The following ABCA3 variants were observed in gnomAD, a reference collection of about 807,000 sequenced individuals.
The protein encoded by ABCA3 is phospholipid-transporting ATPase ABCA3.
ABCA3 carries 88 observed loss-of-function variants against 172.8 expected under a neutral mutation model. That is an observed-to-expected ratio of 0.51 (90% CI 0.43 to 0.61). The LOEUF is 0.61. Among genes scored for constraint, ABCA3 ranks in the 20% least tolerant of loss-of-function variants. ABCA3 has a pLI of 0.00. For missense variants in ABCA3, 2,164 were observed against 2,301.0 expected (o/e 0.94, Z 1.22); for synonymous variants, 1,066 against 983.8 (o/e 1.08, Z -1.56).
chr16:2,339,928 C>T (rs2093757824), intron 1 of ABCA3, among the ~76,000 whole-genome samples: 1 of 152,274 alleles, frequency 6.6e-6, no homozygotes, highest in Non-Finnish European at 1.5e-5. Flanking sequence ...GCGCCGAGAA[C>T]GCGGCCTCCG....
intron 11 of ABCA3, among the ~76,000 whole-genome samples, chr16:2,307,856 C>G (rs2093700295): frequency 6.6e-6 from 1 of 152,156 alleles, no homozygotes. Flanking sequence ...CCACCGGCCT[C>G]AGCCTCCCAA....
intron 18 of ABCA3, among the ~76,000 whole-genome samples, chr16:2,293,467 GC>G (rs2093675207): frequency 6.6e-6 from 1 of 150,560 alleles, no homozygotes; most frequent in Non-Finnish European, 1.5e-5. Flanking sequence ...GACCTCCCGG[GC>G]TCAAGCAATC....
At chr16:2,322,421 C>T (rs1157531672) in intron 7 of ABCA3, among the ~76,000 whole-genome samples, 2 of 151,128 alleles carry the variant, frequency 1.3e-5, no homozygotes, top group Non-Finnish European at 2.9e-5. Flanking sequence ...GGTACGTGTG[C>T]ACAATGTGCA....
chr16:2,304,005 C>A lies in ABCA3; in HGVS notation c.1431G>T (p.Gln477His). The A allele has an allele frequency of 1.9e-6, 3 of 1,614,210 alleles. No individual in the cohort carries two copies. Among genetic ancestry groups the A allele is most frequent in the Non-Finnish European group, 2.5e-6 (3 of 1,180,036 alleles). Residue 477 changes from glutamine to histidine, a missense_variant, in exon 12 of 33, where the codon CAG (glutamine) becomes CAT (histidine). Gln to His is a conservative substitution (Grantham distance 24). Transcript: ENST00000301732. ...TWYMEAVFPG[Q>H]FGVPQPWYFF... ...AGTACCAGGGCTGAGGCACGCCGAACTGCCCTGGGAAGACGGCCTCCATGT... is the reference window on the plus strand; with the variant it reads ...AGTACCAGGGCTGAGGCACGCCGAAATGCCCTGGGAAGACGGCCTCCATGT...
At chr16:2,329,547 C>T (rs553031529) in intron 2 of ABCA3, 101 bp downstream of exon 2, 1 of 152,416 alleles carries the variant, frequency 6.6e-6, no homozygotes, top group East Asian at 1.9e-4. Flanking sequence ...GATCCCCATG[C>T]TTAATCTTGT....
chr16:2,319,419 A>G (rs1287325375), intron 8 of ABCA3, among the ~76,000 whole-genome samples, 162 bp downstream of exon 8: 8 of 151,390 alleles, frequency 5.3e-5, no homozygotes, highest in Admixed American at 4.6e-4. Flanking sequence ...CGGGAGGCAG[A>G]GCTTGCAGTG....
Position 2,277,907 on chromosome 16 carries a change from G to C in ABCA3, c.4881C>G (p.Phe1627Leu). The change falls in exon 31 of 33, where the codon TTC becomes TTG. Residue 1627 changes from phenylalanine (F) to leucine (L), a missense_variant. Physicochemically the swap from Phe to Leu is conservative, Grantham distance 22 (BLOSUM62 0). Coordinates refer to ENST00000301732, the MANE Select transcript of ABCA3 (RefSeq NM_001089.3). This position sits in a 1 kb window ranked among gnomAD's most constrained non-coding sequence, Gnocchi z 5.3. Reference protein sequence around the residue: ...SEGQQEALEEFKAFVDLTFPG... With the variant: ...SEGQQEALEELKAFVDLTFPG... ...GAAAGGTCAGGTCCACGAAGGCCTT[G>C]AACTCCTCCAGCGCCTCCTGTTGCC... The C allele has an allele frequency of 6.2e-7, 1 of 1,610,326 alleles. No individual in the cohort carries two copies. The highest frequency in any genetic ancestry group is 8.5e-7 in the Non-Finnish European group (1 of 1,179,996).
rs1261178793 is a variant in ABCA3, at chr16:2,276,683, C to G, written c.5106G>C (p.Glu1702Asp). The G allele has an allele frequency of 1.2e-6, 2 of 1,613,462 alleles. No homozygotes were observed. Among genetic ancestry groups the G allele is most frequent in the South Asian group, 1.1e-5 (1 of 91,086 alleles). ...AGACAGCCGCCACCCCTCATCGCCC[C>G]TCCTCTGCGGTGGGCGGCTGCAGGT... The part of the protein sequence containing the change: ...FAHLQPPTAE[E>D]GR The change falls in exon 33 of 33, where the codon GAG (glutamate) becomes GAC (aspartate). Residue 1702 changes from glutamate (E) to aspartate (D), a missense_variant. This residue lies in a region of ABCA3 where 795 missense variants were observed against 881.9 expected (regional missense o/e 0.90). Transcript: ENST00000301732.
intron 10 of ABCA3, among the ~76,000 whole-genome samples, chr16:2,314,339 T>C (rs749495809): frequency 3.3e-5 from 5 of 152,038 alleles, no homozygotes; most frequent in Admixed American, 1.3e-4. Context: ...TTGGGGATGC[T>C]ATGCTCAGTG....
At chr16:2,327,659 G>A (rs2093736533) in intron 3 of ABCA3, among the ~76,000 whole-genome samples, 1 of 152,172 alleles carries the variant, frequency 6.6e-6, no homozygotes, top group African/African-American at 2.4e-5. Context: ...GGCTTTTCCT[G>A]TTGTTATTAC....
chr16:2,295,814 G>A (rs2093678935), intron 17 of ABCA3, 74 bp from the exon 18 acceptor site: 18 of 1,603,234 alleles, frequency 1.1e-5, no homozygotes, highest in African/African-American at 2.7e-5. Flanking sequence ...GGGGTCTCTA[G>A]GGCTCACACC....
chr16:2,328,987 A>C (rs2093738917), intron 2 of ABCA3, among the ~76,000 whole-genome samples: 1 of 148,558 alleles, frequency 6.7e-6, no homozygotes, highest in Non-Finnish European at 1.5e-5. Context: ...TTTTAAATTA[A>C]AACTCTTGCT....
chr16:2,298,338 G>T, intron 15 of ABCA3, 48 bp downstream of exon 15: 1 of 1,611,814 alleles, frequency 6.2e-7, no homozygotes, highest in Non-Finnish European at 8.5e-7. Flanking sequence ...CCAGAAACTC[G>T]AGCACATCAG....
chr16:2,298,101 G>T lies in ABCA3; in HGVS notation c.1897-180C>A, dbSNP rs552262184. On this transcript the variant is annotated intron_variant, in intron 15 of 32. Coordinates refer to ENST00000301732, the MANE Select transcript of ABCA3 (RefSeq NM_001089.3). ...AGAGGAACCTCTCCTTGACGTAGCT[G>T]GGGAGATGCAGGGCTCCTGGCGGGA... Among the ~76,000 whole-genome samples the T allele has an allele frequency of 7.9e-5, 10 of 127,308 alleles. No individual in the cohort carries two copies. The East Asian group carries it at 3.2e-3, about 40-fold the overall frequency. 83.5% of individuals were successfully genotyped at this position (127,308 alleles called of 152,430 possible).
chr16:2,339,528 T>C (rs2093757150), intron 1 of ABCA3, among the ~76,000 whole-genome samples: 1 of 152,218 alleles, frequency 6.6e-6, no homozygotes. Flanking sequence ...TCTTAGTCTT[T>C]TCAAGTTTAC....
chr16:2,290,070 G>A (rs553545493), intron 19 of ABCA3, among the ~76,000 whole-genome samples: 12 of 150,926 alleles, frequency 8.0e-5, no homozygotes, highest in East Asian at 3.9e-4. Flanking sequence ...GGCACCCCCC[G>A]GCTGGCTTAG....
At chr16:2,322,096 G>T (rs940294236) in intron 7 of ABCA3, among the ~76,000 whole-genome samples, 1 of 151,888 alleles carries the variant, frequency 6.6e-6, no homozygotes, top group African/African-American at 2.4e-5. Context: ...TACTTGGGAG[G>T]TTGAGGCAGG....
chr16:2,299,173 G>A (rs999820372), intron 14 of ABCA3, among the ~76,000 whole-genome samples: 2 of 150,448 alleles, frequency 1.3e-5, no homozygotes, highest in African/African-American at 2.4e-5. Flanking sequence ...GGACAGAGGC[G>A]GTGAGGAGGG....
Position 2,329,697 on chromosome 16 carries a change from G to A in ABCA3, c.-381C>T, listed in dbSNP as rs1200242013. On this transcript the variant is annotated 5_prime_UTR_variant, in exon 2 of 33. An upstream open reading frame in the 5' UTR gains an earlier in-frame stop. Transcript: ENST00000301732. ...CAGCAGGTCTCCCTTCAGGACTACT[G>A]GGGAACTGGCCAGGAGGAGGCGGCT... 1 of 152,584 alleles carries A rather than the reference G, an allele frequency of 6.6e-6. No homozygotes were observed. The highest frequency in any genetic ancestry group is 1.5e-5 in the Non-Finnish European group (1 of 68,362). 9.5% of individuals were successfully genotyped at this position (152,584 alleles called of 1,614,324 possible). A position where few individuals can be genotyped will look rare whatever the true frequency, so the allele number is the denominator to read the frequency against.
Sources: allele counts gnomAD v4.1 joint callset (sites outside exome capture counted in the v4.1 genomes callset), GRCh38; gene constraint gnomAD v4.1.1; regional missense constraint gnomAD v4.1.1; non-coding constraint Gnocchi (gnomAD v3.1); transcripts MANE v1.5; gene names NCBI Gene and HGNC (gene_info 2026-07-23, HGNC 2026-07-21).